LEF1: variants seen among roughly 807,000 people sequenced by gnomAD.
The protein encoded by LEF1 is lymphoid enhancer-binding factor 1.
LEF1 carries 14 observed loss-of-function variants against 51.2 expected under a neutral mutation model. The observed-to-expected ratio is 0.27, with a 90% CI of 0.18 to 0.43. The LOEUF is 0.43. Ranked by LOEUF, LEF1 falls within the 20% of genes least tolerant of loss-of-function variation. The probability of loss-of-function intolerance (pLI) is 1.00; values close to 1 mark genes in which losing one functional copy is unlikely to be tolerated. For synonymous variants in LEF1, 185 were observed against 183.2 expected, an observed-to-expected ratio of 1.01 and a Z score of -0.08; for missense variants, 386 against 512.0, an observed-to-expected ratio of 0.75 and a Z score of 2.37.
chr4:108,153,809 T>A (rs1274191316), intron 3 of LEF1, among the ~76,000 whole-genome samples: 3 of 152,188 alleles, frequency 2.0e-5, no homozygotes, highest in Admixed American at 2.0e-4. Flanking sequence ...AATTAGGCAA[T>A]CTATTAAAAA....
intron 3 of LEF1, among the ~76,000 whole-genome samples, chr4:108,112,365 T>C (rs1741585621): frequency 6.6e-6 from 1 of 152,212 alleles, no homozygotes; most frequent in Non-Finnish European, 1.5e-5. Flanking sequence ...AGTGTTCTGA[T>C]CCTGGTTTCT....
intron 9 of LEF1, among the ~76,000 whole-genome samples, chr4:108,069,068 G>A (rs1738274572): frequency 6.6e-6 from 1 of 152,144 alleles, no homozygotes; most frequent in Admixed American, 6.5e-5. Context: ...TAAGCAAGGA[G>A]CTCTCATGAA....
At chr4:108,072,589 A>C (rs1266102483) in intron 8 of LEF1, among the ~76,000 whole-genome samples, 5 of 152,240 alleles carry the variant, frequency 3.3e-5, no homozygotes. Context: ...GCTTGCCCTG[A>C]GCCTAAAGCA....
At chr4:108,130,469 T>C (rs9999061) in intron 3 of LEF1, among the ~76,000 whole-genome samples, 68,914 of 151,240 alleles carry the variant, frequency 0.46, 17,491 homozygotes, top group Middle Eastern at 0.68. Flanking sequence ...CCTGCAATCC[T>C]AGCACTTTGT....
chr4:108,153,310 T>G (rs1248252704), intron 3 of LEF1, among the ~76,000 whole-genome samples: 1 of 152,214 alleles, frequency 6.6e-6, no homozygotes, highest in African/African-American at 2.4e-5. Flanking sequence ...GGCTTGGTGT[T>G]GTGTTCAATT....
At chr4:108,125,406 G>A (rs1480533608) in intron 3 of LEF1, among the ~76,000 whole-genome samples, 2 of 152,124 alleles carry the variant, frequency 1.3e-5, no homozygotes, top group East Asian at 1.9e-4. Flanking sequence ...CAGGTGATCC[G>A]CCCACCTTAG....
At position 108,079,498 on chromosome 4, in the gene LEF1, A is replaced by C. The variant is rs752588282; in HGVS notation, c.839T>G (p.Met280Arg). The C allele has an allele frequency of 6.2e-7, 1 of 1,614,126 alleles. No individual in the cohort carries two copies. The highest frequency in any genetic ancestry group is 1.7e-5 in the Admixed American group (1 of 60,022). Residue 280 changes from methionine to arginine, a missense_variant, in exon 7 of 12, where the codon ATG (methionine) becomes AGG (arginine). By Grantham distance (91) the Met-to-Arg change is moderately conservative. Transcript: ENST00000265165. ...AGCCCGGGTGGATACTTACACGTGC[A>C]TTAGGTCACTGTCAGTGTGGGGATG... Reference protein sequence around the residue: ...QEHPHTDSDLMHVKPQHEQRK... With the variant: ...QEHPHTDSDLRHVKPQHEQRK...
chr4:108,059,202 C>T lies in LEF1; in HGVS notation c.*6+4421G>A, dbSNP rs17038516. Reference sequence around the variant, plus strand: ...ACATACGGGGAGACAGGAACACAACCGGGTGAATAAAGCACTGATTCAGGA... The same window carrying T: ...ACATACGGGGAGACAGGAACACAACTGGGTGAATAAAGCACTGATTCAGGA... On this transcript the variant is annotated intron_variant, in intron 11 of 11. Transcript: ENST00000265165. Among the ~76,000 whole-genome samples the T allele has an allele frequency of 7.9e-3, 1,200 of 152,274 alleles. 16 individuals are homozygous for T. The highest frequency in any genetic ancestry group is 0.027 in the African/African-American group (1,103 of 41,552).
chr4:108,064,411 G>GGTACAA, intron 9 of LEF1, 27 bp from the exon 10 acceptor site: 1 of 1,555,308 alleles, frequency 6.4e-7, no homozygotes, highest in Non-Finnish European at 8.9e-7. Flanking sequence ...ATACTGTCAT[G>GGTACAA]TCACAGATTG....
rs563954512 is a variant in LEF1 at position 108,167,463 on chromosome 4, C to T, written c.213+92G>A. ...GAGGGATCTACTCGGGACCCTCAGC[C>T]GGGCGGCCGGGCGCCTTCGTTCCCT... On this transcript the variant is annotated intron_variant, in intron 1 of 11. Coordinates refer to ENST00000265165, the MANE Select transcript of LEF1 (RefSeq NM_016269.5). The surrounding 1 kb of genome is among the most constrained non-coding windows in gnomAD (Gnocchi z 5.7). 6 of 1,303,540 alleles carry T rather than the reference C, an allele frequency of 4.6e-6. No individual in the cohort carries two copies. The highest frequency in any genetic ancestry group is 2.6e-5 in the South Asian group (2 of 76,286). 80.7% of individuals were successfully genotyped at this position (1,303,540 alleles called of 1,614,324 possible).
At chr4:108,151,339 C>T (rs1011481843) in intron 3 of LEF1, among the ~76,000 whole-genome samples, 2 of 152,152 alleles carry the variant, frequency 1.3e-5, no homozygotes, top group Non-Finnish European at 2.9e-5. Context: ...TTTATTCTCA[C>T]AAAACCCTAC....
chr4:108,095,955 T>A (rs934452763), intron 3 of LEF1, among the ~76,000 whole-genome samples: 2 of 152,132 alleles, frequency 1.3e-5, no homozygotes. Flanking sequence ...ATCCTATTAT[T>A]TGATTGATTT....
At chr4:108,161,006 T>A (rs1427377113) in intron 3 of LEF1, among the ~76,000 whole-genome samples, 1 of 152,102 alleles carries the variant, frequency 6.6e-6, no homozygotes, top group Non-Finnish European at 1.5e-5. Context: ...AAGGGGATGC[T>A]CCCATCCTAA....
chr4:108,092,917 T>TAAAAAAAAAAAAAAAAAAA (rs71592104), intron 3 of LEF1, among the ~76,000 whole-genome samples: 10 of 31,140 alleles, frequency 3.2e-4, no homozygotes, highest in African/African-American at 7.8e-4. Context: ...AATGAATATG[T>TAAAAAAAAAAAAAAAAAAA]AAAAAAAAAA....
chr4:108,104,464 T>A (rs1473014679), intron 3 of LEF1, among the ~76,000 whole-genome samples: 2 of 147,586 alleles, frequency 1.4e-5, no homozygotes, highest in Non-Finnish European at 3.0e-5. Flanking sequence ...TATATATAAA[T>A]TATATATATA....
At chr4:108,077,968 G>A (rs1429239015) in intron 8 of LEF1, among the ~76,000 whole-genome samples, 3 of 152,212 alleles carry the variant, frequency 2.0e-5, no homozygotes, top group African/African-American at 7.2e-5. Flanking sequence ...CTGAACCCAG[G>A]AGGTCAAGGC....
rs1235751344 is a variant in LEF1 at position 108,113,664 on chromosome 4, T to G, written c.415-24407A>C. 4.6e-5 allele frequency among the ~76,000 whole-genome samples: 7 copies of G among 152,176 alleles called. No homozygotes were observed. In the East Asian group the frequency reaches 1.3e-3, roughly 29 times the overall value. ...GAATTCAACAGGACCTCCCTGGCAC[T>G]CCTTCAAATGGGAGGATGGGCAAAT... is the stretch of plus-strand genomic sequence containing the variant. On this transcript the variant is annotated intron_variant, in intron 3 of 11. Coordinates refer to ENST00000265165, the MANE Select transcript of LEF1 (RefSeq NM_016269.5).
chr4:108,052,180 G>T (rs1274275317), intron 11 of LEF1, among the ~76,000 whole-genome samples: 1 of 152,192 alleles, frequency 6.6e-6, no homozygotes, highest in Non-Finnish European at 1.5e-5. Flanking sequence ...TCACTGGCCA[G>T]TCAGTTTAAG....
chr4:108,144,865 CAAAAAAAAAAA>C (rs11394687), intron 3 of LEF1, among the ~76,000 whole-genome samples: 9 of 41,926 alleles, frequency 2.1e-4, no homozygotes, highest in East Asian at 8.0e-4. Flanking sequence ...CCCAACCAGC[CAAAAAAAAAAA>C]AAAAAAAAAA....
Sources: gnomAD v4.1 joint callset for allele counts (sites outside exome capture counted in the v4.1 genomes callset) on GRCh38, gnomAD v4.1.1 for gene constraint, Gnocchi (gnomAD v3.1) non-coding constraint, MANE v1.5 for transcripts, NCBI Gene and HGNC (gene_info 2026-07-23, HGNC 2026-07-21) for gene names.